CHM: variants seen among roughly 807,000 people sequenced by gnomAD.
CHM encodes the protein CHM Rab escort protein.
In CHM, 10 loss-of-function variants were observed where a neutral mutation model predicts 49.0. The ratio of observed to expected loss-of-function variants is 0.20; its 90% CI spans 0.13 to 0.35. The LOEUF (loss-of-function observed/expected upper bound fraction) is 0.35, where lower values mean the gene tolerates loss of function less well. Ranked by LOEUF, CHM falls within the 10% of genes least tolerant of loss-of-function variation. CHM has a pLI of 1.00. For missense variants in CHM, 455 were observed against 478.4 expected (o/e 0.95, Z 0.46); for synonymous variants, 184 against 167.5 (o/e 1.10, Z -0.76).
At chrX:86,010,323 C>T (rs1348086652) in intron 2 of CHM, among the ~76,000 whole-genome samples, 7 of 101,404 alleles carry the variant, frequency 6.9e-5, no homozygotes, top group African/African-American at 1.1e-4. Flanking sequence ...CTGCATGTTG[C>T]GCACATGTAC....
chrX:85,926,256 C>T (rs759804848), intron 8 of CHM, among the ~76,000 whole-genome samples: 3 of 111,860 alleles, frequency 2.7e-5, no homozygotes, highest in African/African-American at 9.7e-5. Context: ...TTATGCATGA[C>T]TAAACATTAT....
intron 10 of CHM, 135 bp from the exon 11 acceptor site, chrX:85,900,844 G>A (rs1926226598): frequency 7.1e-6 from 4 of 561,465 alleles, no homozygotes; most frequent in Non-Finnish European, 9.1e-6. Flanking sequence ...ACCAAGTCAA[G>A]TTCGGCTTTA....
At chrX:85,991,241 A>G (rs753042091) in intron 2 of CHM, among the ~76,000 whole-genome samples, 1 of 112,023 alleles carries the variant, frequency 8.9e-6, no homozygotes, top group South Asian at 3.7e-4. Flanking sequence ...CTTGTGAGGC[A>G]GATAGAAAGG....
intron 8 of CHM, among the ~76,000 whole-genome samples, chrX:85,955,097 G>A (rs1929945346): frequency 9.0e-6 from 1 of 111,182 alleles, no homozygotes; most frequent in Admixed American, 9.6e-5. Context: ...CAGAGCCTGG[G>A]GCGGGTTTTG....
chrX:86,009,501 G>A, intron 2 of CHM, among the ~76,000 whole-genome samples: 1 of 112,365 alleles, frequency 8.9e-6, no homozygotes, highest in Non-Finnish European at 1.9e-5. Flanking sequence ...GAAGCCAGGA[G>A]AGAGCTTACA....
chrX:85,958,796 C>T, intron 6 of CHM, 65 bp downstream of exon 6: 1 of 1,204,487 alleles, frequency 8.3e-7, no homozygotes, highest in Non-Finnish European at 1.1e-6. Context: ...ATTTGCTTAT[C>T]TTTCCAAAAC....
At chrX:85,897,137 G>A (rs868511694) in intron 11 of CHM, among the ~76,000 whole-genome samples, 1 of 67,927 alleles carries the variant, frequency 1.5e-5, no homozygotes, top group Non-Finnish European at 2.7e-5. Context: ...ATATAAATAA[G>A]TATATATAAT....
intron 5 of CHM, among the ~76,000 whole-genome samples, chrX:85,959,417 C>G (rs1930181508): frequency 9.0e-6 from 1 of 110,580 alleles, no homozygotes; most frequent in Non-Finnish European, 1.9e-5. Context: ...ACACCAGGCC[C>G]TGAGGGTTTT....
Position 85,862,927 on chromosome X carries a change from G to A in CHM, c.*1703C>T, listed in dbSNP as rs1569387895. 1 of 110,566 alleles carries A rather than the reference G, an allele frequency of 9.0e-6. No individual in the cohort carries two copies. Among genetic ancestry groups the A allele is most frequent in the Non-Finnish European group, 1.9e-5 (1 of 52,857 alleles). The allele number at this position is 110,566 out of a possible 1,213,427, so 9.1% of individuals were successfully genotyped here. A position where few individuals can be genotyped will look rare whatever the true frequency, so the allele number is the denominator to read the frequency against. ...GCTTCCTGACAGACAATATAGGCCAGATGTTGTGAGAAAAAAAAACAAATA... is the reference window on the plus strand; with the variant it reads ...GCTTCCTGACAGACAATATAGGCCAAATGTTGTGAGAAAAAAAAACAAATA... On this transcript the variant is annotated 3_prime_UTR_variant, in exon 15 of 15. Transcript: ENST00000357749.
chrX:85,895,365 A>C (rs1925766584), intron 11 of CHM, among the ~76,000 whole-genome samples: 1 of 107,844 alleles, frequency 9.3e-6, no homozygotes, highest in African/African-American at 3.4e-5. Context: ...GCTGATCTCC[A>C]ACTCATGACC....
intron 2 of CHM, among the ~76,000 whole-genome samples, chrX:85,982,626 G>A (rs1248856803): frequency 2.7e-5 from 3 of 110,691 alleles, no homozygotes; most frequent in Non-Finnish European, 3.8e-5. Context: ...TTGGGGCTCC[G>A]GATCCTTGTA....
At chrX:85,947,886 A>T (rs1929502329) in intron 8 of CHM, among the ~76,000 whole-genome samples, 1 of 111,808 alleles carries the variant, frequency 8.9e-6, no homozygotes, top group African/African-American at 3.3e-5. Context: ...TACATACATA[A>T]ATTTATACCA....
Position 86,020,718 on chromosome X carries a change from G to A in CHM, c.116+6773C>T, listed in dbSNP as rs75991350. On this transcript the variant is annotated intron_variant, in intron 2 of 14. Coordinates refer to ENST00000357749, the MANE Select transcript of CHM (RefSeq NM_000390.4). Reference sequence around the variant, plus strand: ...ATATATACATCTGATATATATCTCCGATATCCGAAACACTTCTGGTCCCAA... The same window carrying A: ...ATATATACATCTGATATATATCTCCAATATCCGAAACACTTCTGGTCCCAA... Among the ~76,000 whole-genome samples the A allele has an allele frequency of 3.9e-3, 400 of 103,692 alleles. 3 individuals carry two copies. In the East Asian group the frequency reaches 0.059, roughly 15 times the overall value. 90.0% of individuals were successfully genotyped at this position (103,692 alleles called of 115,157 possible). A position where few individuals can be genotyped will look rare whatever the true frequency, so the allele number is the denominator to read the frequency against.
intron 2 of CHM, among the ~76,000 whole-genome samples, chrX:86,009,862 A>G (rs1339822127): frequency 9.0e-6 from 1 of 110,861 alleles, no homozygotes; most frequent in Non-Finnish European, 1.9e-5. Flanking sequence ...TTAACAACTA[A>G]ATGCAAGGTA....
At chrX:85,972,218 T>C (rs1263826298) in intron 4 of CHM, among the ~76,000 whole-genome samples, 3 of 112,090 alleles carry the variant, frequency 2.7e-5, no homozygotes, top group African/African-American at 6.5e-5. Flanking sequence ...AGGGTGCTGA[T>C]TGGTGTATTT....
At chrX:85,967,474 C>T (rs1930642127) in intron 4 of CHM, among the ~76,000 whole-genome samples, 1 of 111,731 alleles carries the variant, frequency 9.0e-6, no homozygotes, top group East Asian at 2.8e-4. Context: ...TGCTCCTCGA[C>T]TTATGATGGG....
intron 8 of CHM, among the ~76,000 whole-genome samples, chrX:85,931,915 GC>G (rs1198735302): frequency 8.9e-6 from 1 of 112,337 alleles, no homozygotes; most frequent in Non-Finnish European, 1.9e-5. Flanking sequence ...CTTGCACTAT[GC>G]TTTTGTGCTT....
At chrX:85,879,715 C>A (rs1012826540) in intron 12 of CHM, among the ~76,000 whole-genome samples, 12 of 110,986 alleles carry the variant, frequency 1.1e-4, no homozygotes, top group African/African-American at 3.9e-4. Flanking sequence ...AAGGCCTGTG[C>A]ACAAAGGTGA....
intron 9 of CHM, among the ~76,000 whole-genome samples, chrX:85,903,138 C>T (rs1382577527): frequency 9.0e-6 from 1 of 111,210 alleles, no homozygotes; most frequent in East Asian, 2.8e-4. Context: ...AAAGATGACT[C>T]GATACATGGA....
Sources: gnomAD v4.1 joint callset for allele counts (sites outside exome capture counted in the v4.1 genomes callset) on GRCh38, gnomAD v4.1.1 for gene constraint, MANE v1.5 for transcripts, NCBI Gene and HGNC (gene_info 2026-07-23, HGNC 2026-07-21) for gene names.